The following TFIP11 variants were observed in gnomAD, a reference collection of about 807,000 sequenced individuals.
TFIP11 encodes tuftelin-interacting protein 11.
TFIP11 carries 86 observed loss-of-function variants against 96.8 expected under a neutral mutation model. That is an observed-to-expected ratio of 0.89 (90% confidence interval 0.75 to 1.06). The LOEUF is 1.06. TFIP11 is among the 50% of genes least tolerant of loss of function. TFIP11 has a pLI of 0.00. For missense variants in TFIP11, 881 were observed against 1,076.7 expected (o/e 0.82, Z 2.54); for synonymous variants, 405 against 395.2 (o/e 1.02, Z -0.29).
intron 10 of TFIP11, among the ~76,000 whole-genome samples, chr22:26,497,874 C>CAA (rs35461044): frequency 0.047 from 4,195 of 88,880 alleles, 181 homozygotes; most frequent in Non-Finnish European, 0.056. Context: ...GACTTCATCT[C>CAA]AAAAAAAAAA....
At chr22:26,496,663 G>A (rs1922094086) in intron 11 of TFIP11, 58 bp downstream of exon 11, 1 of 1,584,542 alleles carries the variant, frequency 6.3e-7, no homozygotes, top group Non-Finnish European at 8.6e-7. Context: ...TGAAGCCACA[G>A]ACTGAACAAG....
At chr22:26,502,647 T>G (rs1233390849) in intron 7 of TFIP11, among the ~76,000 whole-genome samples, 5 of 152,342 alleles carry the variant, frequency 3.3e-5, no homozygotes, top group Non-Finnish European at 7.3e-5. Context: ...AAGTTGGTTT[T>G]GGGGTTGTCA....
In TFIP11 at chr22:26,498,856, C is replaced by G. The variant is rs768172388; in HGVS notation, c.1436+13G>C. 1 of 1,610,452 alleles carries G rather than the reference C, an allele frequency of 6.2e-7. No individual in the cohort carries two copies. The highest frequency in any genetic ancestry group is 8.5e-7 in the Non-Finnish European group (1 of 1,176,802). ...AAAGGAGCTGGGGTACAGAGCCCTG[C>G]TCTGTGGTGTACCTGTGAAAGGCAT... On this transcript the variant is annotated intron_variant, in intron 10 of 14. Transcript: ENST00000407690.
chr22:26,507,177 G>A (rs2147146551), intron 4 of TFIP11, among the ~76,000 whole-genome samples: 1 of 152,248 alleles, frequency 6.6e-6, no homozygotes, highest in Non-Finnish European at 1.5e-5. Flanking sequence ...TCAATGTAGG[G>A]TTGATTACAA....
rs1262743273 is a variant in TFIP11, at chr22:26,510,409, AT to A, written c.-9-129del. ...AAATTCAAAGTCCATTAAAGTCAGC[AT>A]TACTATTCAATAAAAAAGATATTAA... On this transcript the variant is annotated intron_variant, in intron 3 of 14. Coordinates refer to ENST00000407690, the MANE Select transcript of TFIP11 (RefSeq NM_012143.4). 8 of 826,970 alleles carry A rather than the reference AT, an allele frequency of 9.7e-6. No homozygotes were observed. The East Asian group carries it at 2.1e-4, about 22-fold the overall frequency. 51.2% of individuals were successfully genotyped at this position (826,970 alleles called of 1,614,324 possible).
chr22:26,495,619 CAT>C (rs1239216774), intron 12 of TFIP11, among the ~76,000 whole-genome samples: 14 of 38,836 alleles, frequency 3.6e-4, no homozygotes, highest in Admixed American at 6.3e-4. Context: ...TGTGTATATA[CAT>C]ATATGTGTAT....
At chr22:26,494,675 C>A in intron 13 of TFIP11, 122 bp downstream of exon 13, 1 of 1,388,398 alleles carries the variant, frequency 7.2e-7, no homozygotes, top group South Asian at 1.4e-5. Context: ...CTAACTCATT[C>A]CTACCCTACC....
chr22:26,499,432 T>G lies in TFIP11; in HGVS notation c.1001A>C (p.Glu334Ala). 1 of 1,614,166 alleles carries G rather than the reference T, an allele frequency of 6.2e-7. No homozygotes were observed. Among genetic ancestry groups the G allele is most frequent in the Non-Finnish European group, 8.5e-7 (1 of 1,180,014 alleles). ...LQLLIDLTEQ[E>A]IIQNDRQLQY... ...TAGCTGCCGGTCATTCTGGATGATC[T>G]CCTGCTCCGTGAGGTCGATGAGCAG... is the stretch of plus-strand genomic sequence containing the variant. Residue 334 changes from glutamate to alanine, a missense_variant, in exon 9 of 15, where the codon GAG (glutamate) becomes GCG (alanine). By Grantham distance (107) the Glu-to-Ala change is moderately radical. Coordinates refer to ENST00000407690, the MANE Select transcript of TFIP11 (RefSeq NM_012143.4).
chr22:26,494,572 C>T, intron 13 of TFIP11: 3 of 712,224 alleles, frequency 4.2e-6, no homozygotes, highest in Non-Finnish European at 6.8e-6. Context: ...CATAGGGTTG[C>T]TGAGAGGAGC....
intron 6 of TFIP11, among the ~76,000 whole-genome samples, chr22:26,505,442 T>G (rs900487779): frequency 1.3e-5 from 2 of 152,202 alleles, no homozygotes; most frequent in African/African-American, 4.8e-5. Context: ...TAGGGTTATT[T>G]CCACAAAATT....
chr22:26,494,664 C>T, intron 13 of TFIP11, 133 bp downstream of exon 13: 1 of 1,279,782 alleles, frequency 7.8e-7, no homozygotes. Flanking sequence ...ATGAAGATGA[C>T]CTAACTCATT....
rs201845117 is a variant in TFIP11 at position 26,502,064 on chromosome 22, G to A, written c.649-12C>T. 6.2e-4 allele frequency: 1,002 copies of A among 1,613,958 alleles called. No individual in the cohort carries two copies. Among genetic ancestry groups the A allele is most frequent in the Non-Finnish European group, 8.2e-4 (963 of 1,180,012 alleles). On this transcript the variant is annotated splice_polypyrimidine_tract_variant and intron_variant, in intron 7 of 14. Coordinates refer to ENST00000407690, the MANE Select transcript of TFIP11 (RefSeq NM_012143.4). Reference sequence around the variant, plus strand: ...TCCTTCTGAAACTCCTGAACCAGAAGAATACAGTCAGATGCAGCAAGGAAC... The same window carrying A: ...TCCTTCTGAAACTCCTGAACCAGAAAAATACAGTCAGATGCAGCAAGGAAC...
chr22:26,502,658 C>T lies in TFIP11; in HGVS notation c.649-606G>A, dbSNP rs553586018. On this transcript the variant is annotated intron_variant, in intron 7 of 14. Coordinates refer to ENST00000407690, the MANE Select transcript of TFIP11 (RefSeq NM_012143.4). Reference sequence around the variant, plus strand: ...ACAGAAGTTGGTTTTGGGGTTGTCACTATGTTTTTCTCATACTGGTTAAGA... The same window carrying T: ...ACAGAAGTTGGTTTTGGGGTTGTCATTATGTTTTTCTCATACTGGTTAAGA... Among the ~76,000 whole-genome samples, 9 of 152,280 alleles carry T rather than the reference C, an allele frequency of 5.9e-5. No individual in the cohort carries two copies. The South Asian group carries it at 1.2e-3, about 21-fold the overall frequency.
Position 26,494,138 on chromosome 22 carries a change from C to T in TFIP11, c.2158+1G>A. 3 of 1,612,930 alleles carry T rather than the reference C, an allele frequency of 1.9e-6. No homozygotes were observed. The highest frequency in any genetic ancestry group is 2.2e-5 in the South Asian group (2 of 91,048). On this transcript the variant is annotated splice_donor_variant, in intron 14 of 14. Transcript: ENST00000407690. LOFTEE classifies it high-confidence loss of function. ...CATCCAAAATGGGAATCCTCACTTA[C>T]CAACGTTGGAGGACACCGCCCGGTT... is the stretch of plus-strand genomic sequence containing the variant.
At chr22:26,511,765 T>C (rs1308787441) in intron 2 of TFIP11, 1 of 152,204 alleles carries the variant, frequency 6.6e-6, no homozygotes, top group African/African-American at 2.4e-5. Context: ...GGCAAAACGT[T>C]ATCTCTGCCT....
chr22:26,494,429 A>G, intron 13 of TFIP11, 125 bp from the exon 14 acceptor site: 1 of 1,154,608 alleles, frequency 8.7e-7, no homozygotes, highest in Non-Finnish European at 1.3e-6. Flanking sequence ...ACAGGGATTT[A>G]TAGTAGCTAA....
rs1569160496 is a variant in TFIP11, at chr22:26,499,519, T to C, written c.914A>G (p.Gln305Arg). The C allele has an allele frequency of 1.2e-6, 2 of 1,614,222 alleles. No individual in the cohort carries two copies. Among genetic ancestry groups the C allele is most frequent in the South Asian group, 1.1e-5 (1 of 91,088 alleles). Residue 305 changes from glutamine (Q) to arginine (R), a missense_variant, in exon 9 of 15, where the codon CAG (glutamine) becomes CGG (arginine). Transcript: ENST00000407690. ...GGGGGCCTTGGCCTCTTTGCCAGAC[T>C]GTGGCAGCTGTTGGGACTGTAGCGG... is the stretch of plus-strand genomic sequence containing the variant. ...GLPLQSQQLP[Q>R]SGKEAKAPGF...
chr22:26,509,968 T>C (rs1010589207), intron 4 of TFIP11, 96 bp downstream of exon 4: 78 of 1,321,224 alleles, frequency 5.9e-5, no homozygotes, highest in Non-Finnish European at 7.9e-5. Context: ...CAAGGCCAGG[T>C]GAGAAGTATA....
At chr22:26,503,162 A>T (rs977842732) in intron 7 of TFIP11, among the ~76,000 whole-genome samples, 1 of 152,102 alleles carries the variant, frequency 6.6e-6, no homozygotes, top group Non-Finnish European at 1.5e-5. Flanking sequence ...AGCACCTAAA[A>T]ATGGCTGTCA....
Sources: allele counts gnomAD v4.1 joint callset (sites outside exome capture counted in the v4.1 genomes callset), GRCh38; gene constraint gnomAD v4.1.1; transcripts MANE v1.5; gene names NCBI Gene and HGNC (gene_info 2026-07-23, HGNC 2026-07-21).